Variants in YAP1 observed in about 807,000 individuals in gnomAD.
The protein encoded by YAP1 is transcriptional coactivator YAP1.
YAP1 carries 5 observed loss-of-function variants against 56.9 expected under a neutral mutation model. That is an observed-to-expected ratio of 0.09 (90% CI 0.05 to 0.18). The LOEUF (loss-of-function observed/expected upper bound fraction) is 0.18, where lower values mean the gene tolerates loss of function less well. YAP1 is among the 10% of genes least tolerant of loss of function. The probability of loss-of-function intolerance (pLI) is 1.00; values close to 1 mark genes in which losing one functional copy is unlikely to be tolerated. For synonymous variants in YAP1, 265 were observed against 248.1 expected, an observed-to-expected ratio of 1.07 and a Z score of -0.64; for missense variants, 539 against 651.8, an observed-to-expected ratio of 0.83 and a Z score of 1.88.
intron 2 of YAP1, among the ~76,000 whole-genome samples, chr11:102,138,655 T>C (rs753546711): frequency 2.0e-5 from 3 of 152,212 alleles, no homozygotes; most frequent in Non-Finnish European, 2.9e-5. Flanking sequence ...TGTTGCTTTC[T>C]CTCCCTCCCT....
chr11:102,172,977 C>T (rs1185261765), intron 3 of YAP1, among the ~76,000 whole-genome samples: 3 of 152,106 alleles, frequency 2.0e-5, no homozygotes, highest in Non-Finnish European at 4.4e-5. Flanking sequence ...CTGTGAAAGG[C>T]AGAATGGGGC....
chr11:102,160,265 C>T (rs917547803), intron 2 of YAP1, among the ~76,000 whole-genome samples: 4 of 152,080 alleles, frequency 2.6e-5, no homozygotes, highest in African/African-American at 7.2e-5. Flanking sequence ...TCAGGTGGTC[C>T]GCCCGCCTTG....
rs543246194 is a variant in YAP1, at chr11:102,187,293, G to A, written c.802+1162G>A. Among the ~76,000 whole-genome samples, 7 of 152,294 alleles carry A rather than the reference G, an allele frequency of 4.6e-5. No homozygotes were observed. In the East Asian group the frequency reaches 1.3e-3, roughly 29 times the overall value. ...AAGTTAAGTCAATGGCAGGATCAGG[G>A]CAGTGATGTCATTTTGACAGATAAC... On this transcript the variant is annotated intron_variant, in intron 4 of 8. Transcript: ENST00000282441.
chr11:102,208,165 G>C (rs546155728), intron 5 of YAP1, among the ~76,000 whole-genome samples: 1 of 152,278 alleles, frequency 6.6e-6, no homozygotes, highest in South Asian at 2.1e-4. Context: ...TTTCCAAAGA[G>C]AATTATTTAC....
intron 3 of YAP1, among the ~76,000 whole-genome samples, chr11:102,166,412 G>GT (rs1394526764): frequency 2.0e-5 from 3 of 152,182 alleles, no homozygotes; most frequent in Non-Finnish European, 2.9e-5. Context: ...TAAAATAGCC[G>GT]TAACGTCATG....
Position 102,162,336 on chromosome 11 carries a change from G to C in YAP1, c.573-120G>C, listed in dbSNP as rs74338623. 6.3e-4 allele frequency: 476 copies of C among 753,580 alleles called. No individual in the cohort carries two copies. In the African/African-American group the frequency reaches 7.6e-3, roughly 12 times the overall value. 46.7% of individuals were successfully genotyped at this position (753,580 alleles called of 1,614,324 possible). A position where few individuals can be genotyped will look rare whatever the true frequency, so the allele number is the denominator to read the frequency against. On this transcript the variant is annotated intron_variant, in intron 2 of 8. Coordinates refer to ENST00000282441, the MANE Select transcript of YAP1 (RefSeq NM_001130145.3). ...GGGAGGCTGGTGGGAGCAGTGAGAT[G>C]CTGTGACTTAATGCTTTTACAGAGC... is the stretch of plus-strand genomic sequence containing the variant.
intron 2 of YAP1, among the ~76,000 whole-genome samples, chr11:102,147,108 C>T (rs1357702756): frequency 6.6e-6 from 1 of 152,136 alleles, no homozygotes; most frequent in Non-Finnish European, 1.5e-5. Flanking sequence ...CAGCCAAAAT[C>T]GTAGAACTAA....
At chr11:102,211,354 G>T (rs1017975694) in intron 6 of YAP1, among the ~76,000 whole-genome samples, 1 of 151,836 alleles carries the variant, frequency 6.6e-6, no homozygotes, top group Admixed American at 6.6e-5. Flanking sequence ...AGGCTTATTA[G>T]TAGTAAAGCT....
chr11:102,156,593 GTC>G lies in YAP1; in HGVS notation c.573-5861_573-5860del, dbSNP rs142344074. The stretch of plus-strand genomic sequence containing the variant: ...GGTGGACCTTATCATTGGAATTCTA[GTC>G]TTTGTTTTCAGTTCATACTCTAATG... On this transcript the variant is annotated intron_variant, in intron 2 of 8. Transcript: ENST00000282441. Among the ~76,000 whole-genome samples, 295 of 152,258 alleles carry G rather than the reference GTC, an allele frequency of 1.9e-3. 1 individual carries two copies. The highest frequency in any genetic ancestry group is 3.4e-3 in the Non-Finnish European group (230 of 68,016).
intron 2 of YAP1, among the ~76,000 whole-genome samples, chr11:102,158,071 T>A (rs1946056428): frequency 6.6e-6 from 1 of 152,308 alleles, no homozygotes; most frequent in Non-Finnish European, 1.5e-5. Flanking sequence ...GGAACCAGTT[T>A]GTTAGGTAGC....
intron 2 of YAP1, among the ~76,000 whole-genome samples, chr11:102,117,175 G>GT (rs1357319643): frequency 2.8e-4 from 42 of 152,052 alleles, no homozygotes; most frequent in Admixed American, 2.4e-3. Flanking sequence ...CCAAGTTTCT[G>GT]TTGTCAAAGT....
intron 2 of YAP1, among the ~76,000 whole-genome samples, chr11:102,115,403 A>G (rs964997316): frequency 6.6e-6 from 1 of 152,188 alleles, no homozygotes; most frequent in Non-Finnish European, 1.5e-5. Flanking sequence ...AGATAACACC[A>G]TTAAGGATGT....
chr11:102,181,931 C>T (rs574574073), intron 3 of YAP1, among the ~76,000 whole-genome samples: 3 of 152,328 alleles, frequency 2.0e-5, no homozygotes, highest in Admixed American at 6.5e-5. Flanking sequence ...AGTGATTCTC[C>T]TGCCTCAGTC....
At chr11:102,159,986 G>C (rs1464653504) in intron 2 of YAP1, among the ~76,000 whole-genome samples, 1 of 145,816 alleles carries the variant, frequency 6.9e-6, no homozygotes, top group African/African-American at 2.6e-5. Context: ...TATTAAATTT[G>C]TATAGCTGAC....
At chr11:102,180,956 G>A (rs1395341258) in intron 3 of YAP1, among the ~76,000 whole-genome samples, 2 of 151,858 alleles carry the variant, frequency 1.3e-5, no homozygotes, top group African/African-American at 2.4e-5. Context: ...AGACCAGCCT[G>A]GGCAACATAA....
At chr11:102,229,407 G>A (rs536473236) in intron 8 of YAP1, among the ~76,000 whole-genome samples, 2 of 152,034 alleles carry the variant, frequency 1.3e-5, no homozygotes, top group African/African-American at 2.4e-5. Context: ...TCTTTCTCCC[G>A]CTGCTGCATA....
intron 3 of YAP1, among the ~76,000 whole-genome samples, chr11:102,183,575 C>A (rs1337892863): frequency 6.6e-6 from 1 of 152,034 alleles, no homozygotes; most frequent in East Asian, 1.9e-4. Context: ...GTGGCAGACC[C>A]ATCGGAGAGA....
chr11:102,180,681 C>CAAAAAA (rs58820066), intron 3 of YAP1, among the ~76,000 whole-genome samples: 6 of 42,554 alleles, frequency 1.4e-4, no homozygotes, highest in Admixed American at 2.7e-4. Flanking sequence ...GACTCCATCT[C>CAAAAAA]AAAAAAAAAA....
At chr11:102,118,095 T>C (rs1364864175) in intron 2 of YAP1, among the ~76,000 whole-genome samples, 1 of 152,224 alleles carries the variant, frequency 6.6e-6, no homozygotes, top group African/African-American at 2.4e-5. Context: ...TGTGTTCTTA[T>C]ATATAATGTA....
Sources: gnomAD v4.1 joint callset for allele counts (sites outside exome capture counted in the v4.1 genomes callset) on GRCh38, gnomAD v4.1.1 for gene constraint, MANE v1.5 for transcripts, NCBI Gene and HGNC (gene_info 2026-07-23, HGNC 2026-07-21) for gene names.